ADGRD1: variants seen among roughly 807,000 people sequenced by gnomAD.
ADGRD1 encodes the protein G-protein coupled receptor 133.
ADGRD1 carries 77 observed loss-of-function variants against 113.4 expected under a neutral mutation model. That is an observed-to-expected ratio of 0.68 (90% CI 0.57 to 0.82). The LOEUF (loss-of-function observed/expected upper bound fraction) is 0.82, where lower values mean the gene tolerates loss of function less well. Ranked by LOEUF, ADGRD1 falls within the 40% of genes least tolerant of loss-of-function variation. The pLI, the probability that ADGRD1 is intolerant of heterozygous loss-of-function variation, is 0.00. For synonymous variants in ADGRD1, 474 were observed against 475.0 expected (o/e 1.00, Z 0.03); for missense variants, 1,036 against 1,139.1 (o/e 0.91, Z 1.30).
intron 6 of ADGRD1, 63 bp downstream of exon 6, chr12:130,987,412 G>T: frequency 6.3e-7 from 1 of 1,580,408 alleles, no homozygotes; most frequent in Admixed American, 1.7e-5. Flanking sequence ...CCTGGTATCG[G>T]CCTCCTTTCT....
chr12:131,054,013 C>T (rs1883635381), intron 13 of ADGRD1, among the ~76,000 whole-genome samples: 2 of 152,286 alleles, frequency 1.3e-5, no homozygotes, highest in Non-Finnish European at 2.9e-5. Context: ...GTTTCTGCTT[C>T]CCCTCACCTT....
In ADGRD1 at chr12:131,060,126, G is replaced by A. The variant is rs1283384439; in HGVS notation, c.1474-16675G>A. 1.3e-5 allele frequency among the ~76,000 whole-genome samples: 2 copies of A among 152,256 alleles called. No individual in the cohort carries two copies. Among genetic ancestry groups the A allele is most frequent in the Admixed American group, 1.3e-4 (2 of 15,290 alleles). On this transcript the variant is annotated intron_variant, in intron 13 of 24. Transcript: ENST00000261654. This position sits in a 1 kb window ranked among gnomAD's most constrained non-coding sequence, Gnocchi z 4.4. ...CTTGGAGTCCTGGTGAGGGCTGGGT[G>A]CCGCATGGCTACTGGGTTCCCCCAG...
intron 8 of ADGRD1, chr12:130,994,173 T>C (rs774595350): frequency 2.5e-6 from 1 of 394,584 alleles, no homozygotes; most frequent in South Asian, 1.8e-5. Context: ...CCGCGGGGTG[T>C]TGGGTGGAAA....
intron 13 of ADGRD1, among the ~76,000 whole-genome samples, chr12:131,040,079 G>T (rs971306327): frequency 2.0e-5 from 3 of 152,228 alleles, no homozygotes; most frequent in Non-Finnish European, 4.4e-5. Context: ...CCCGGCCCCT[G>T]TAGGAGCCTG....
At chr12:130,994,679 C>T (rs992908282) in intron 8 of ADGRD1, among the ~76,000 whole-genome samples, 10 of 152,234 alleles carry the variant, frequency 6.6e-5, no homozygotes, top group East Asian at 1.9e-4. Context: ...TGGGTTGCTT[C>T]ATTAATTATA....
rs370826161 is a variant in ADGRD1 at position 131,051,461 on chromosome 12, T to C, written c.1474-25340T>C. 2.9e-5 allele frequency among the ~76,000 whole-genome samples: 4 copies of C among 139,516 alleles called. No homozygotes were observed. The East Asian group carries it at 6.4e-4, about 22-fold the overall frequency. 91.5% of individuals were successfully genotyped at this position (139,516 alleles called of 152,430 possible). On this transcript the variant is annotated intron_variant, in intron 13 of 24. Coordinates refer to ENST00000261654, the MANE Select transcript of ADGRD1 (RefSeq NM_198827.5). ...AAGATCCTTGAGAGAGCAGTGGATA[T>C]CTGTTTTCTTTCTTTCTTTCTTTTC...
intron 13 of ADGRD1, 88 bp from the exon 14 acceptor site, chr12:131,076,713 C>A: frequency 8.8e-7 from 1 of 1,135,370 alleles, no homozygotes; most frequent in Non-Finnish European, 1.3e-6. Flanking sequence ...GGTCGCCCAG[C>A]TGTAAGGGTC....
At chr12:131,126,656 G>A (rs1038188004) in intron 20 of ADGRD1, among the ~76,000 whole-genome samples, 5 of 152,282 alleles carry the variant, frequency 3.3e-5, no homozygotes, top group African/African-American at 9.6e-5. Flanking sequence ...AGAGATCACC[G>A]TGATCTTGGC....
In ADGRD1 at chr12:130,966,007, C is replaced by T. The variant is rs1354339511; in HGVS notation, c.104-456C>T. On this transcript the variant is annotated intron_variant, in intron 2 of 24. Transcript: ENST00000261654. The surrounding 1 kb of genome is among the most constrained non-coding windows in gnomAD (Gnocchi z 4.6). ...AAGTGAGGAAGTGCTTGTTAAGGACCTCAGTGTCTGGCATACCATTCATGT... is the reference window on the plus strand; with the variant it reads ...AAGTGAGGAAGTGCTTGTTAAGGACTTCAGTGTCTGGCATACCATTCATGT... Among the ~76,000 whole-genome samples the T allele has an allele frequency of 6.6e-6, 1 of 152,148 alleles. No homozygotes were observed. The highest frequency in any genetic ancestry group is 2.4e-5 in the African/African-American group (1 of 41,446).
chr12:131,073,678 G>C (rs1244976697), intron 13 of ADGRD1, among the ~76,000 whole-genome samples: 1 of 152,156 alleles, frequency 6.6e-6, no homozygotes, highest in African/African-American at 2.4e-5. Context: ...TCGCAGTTCT[G>C]GAGGCTGTGA....
Position 131,041,460 on chromosome 12 carries a change from T to G in ADGRD1, c.1473+27120T>G, listed in dbSNP as rs1208652149. Among the ~76,000 whole-genome samples, 1 of 152,122 alleles carries G rather than the reference T, an allele frequency of 6.6e-6. No individual in the cohort carries two copies. Among genetic ancestry groups the G allele is most frequent in the Non-Finnish European group, 1.5e-5 (1 of 68,014 alleles). On this transcript the variant is annotated intron_variant, in intron 13 of 24. Transcript: ENST00000261654. This position sits in a 1 kb window ranked among gnomAD's most constrained non-coding sequence, Gnocchi z 4.4. ...GCGGCTTTTGCCTCCCACCCCACCC[T>G]TGAGGGTATAACTAGTGACCTTGGC...
intron 13 of ADGRD1, among the ~76,000 whole-genome samples, chr12:131,042,755 G>A (rs972620350): frequency 1.2e-4 from 18 of 152,242 alleles, no homozygotes; most frequent in Non-Finnish European, 2.6e-4. Flanking sequence ...GCAACACAAA[G>A]GCTGTTCCTC....
At chr12:131,124,127 TG>T (rs1261469927) in intron 20 of ADGRD1, among the ~76,000 whole-genome samples, 1 of 152,128 alleles carries the variant, frequency 6.6e-6, no homozygotes, top group Non-Finnish European at 1.5e-5. Context: ...GGAGGGGAGT[TG>T]GGGGTCTTGT....
chr12:131,093,314 A>G (rs528738960), intron 15 of ADGRD1, among the ~76,000 whole-genome samples: 2 of 152,160 alleles, frequency 1.3e-5, no homozygotes, highest in Non-Finnish European at 2.9e-5. Context: ...CCTGAAACCA[A>G]CTGCAGGCTT....
At position 131,003,983 on chromosome 12, in the gene ADGRD1, C is replaced by T. The variant is rs1306571525; in HGVS notation, c.1145-203C>T. 6.6e-6 allele frequency among the ~76,000 whole-genome samples: 1 copy of T among 151,098 alleles called. No individual in the cohort carries two copies. Among genetic ancestry groups the T allele is most frequent in the Non-Finnish European group, 1.5e-5 (1 of 67,890 alleles). On this transcript the variant is annotated intron_variant, in intron 10 of 24. Transcript: ENST00000261654. This position sits in a 1 kb window ranked among gnomAD's most constrained non-coding sequence, Gnocchi z 4.8. Reference sequence around the variant, plus strand: ...GCCCGTGGGCCGGAATGCTGAGCCTCCCCGTGGCAGTCACTGCCTGGGCTC... The same window carrying T: ...GCCCGTGGGCCGGAATGCTGAGCCTTCCCGTGGCAGTCACTGCCTGGGCTC...
At chr12:131,025,445 C>G (rs1227050709) in intron 13 of ADGRD1, 1 of 152,180 alleles carries the variant, frequency 6.6e-6, no homozygotes, top group African/African-American at 2.4e-5. Context: ...ACACATTTGT[C>G]CCCCACATCG....
At chr12:130,988,542 A>C (rs1176667032) in intron 6 of ADGRD1, 32 of 152,230 alleles carry the variant, frequency 2.1e-4, no homozygotes, top group Admixed American at 2.0e-3. Flanking sequence ...AACCCAATTC[A>C]AGATAACTTT....
At chr12:131,029,854 CG>C (rs1188916967) in intron 13 of ADGRD1, among the ~76,000 whole-genome samples, 3 of 45,802 alleles carry the variant, frequency 6.5e-5, no homozygotes, top group South Asian at 1.0e-3. Context: ...GCGGACCCCT[CG>C]TTCGGTGACA....
rs1876554433 is a variant in ADGRD1, at chr12:131,002,779, T to TA, written c.1027-406_1027-405insA. 4.0e-6 allele frequency: 5 copies of TA among 1,246,410 alleles called. No individual in the cohort carries two copies. The African/African-American group carries it at 7.9e-5, about 20-fold the overall frequency. 77.2% of individuals were successfully genotyped at this position (1,246,410 alleles called of 1,614,324 possible). ...ATGGAGAAGGGGACAGAGCTGCTGG[T>TA]GTCCCCATCCCAGAGTGGACCTGGG... is the stretch of plus-strand genomic sequence containing the variant. On this transcript the variant is annotated intron_variant, in intron 9 of 24. Coordinates refer to ENST00000261654, the MANE Select transcript of ADGRD1 (RefSeq NM_198827.5).
Sources: gnomAD v4.1 joint callset for allele counts (sites outside exome capture counted in the v4.1 genomes callset) on GRCh38, gnomAD v4.1.1 for gene constraint, Gnocchi (gnomAD v3.1) non-coding constraint, MANE v1.5 for transcripts, NCBI Gene and HGNC (gene_info 2026-07-23, HGNC 2026-07-21) for gene names.